Variants in CCSER1 observed in about 807,000 individuals in gnomAD.
CCSER1 encodes coiled-coil serine rich protein 1.
A neutral mutation model predicts 82.0 loss-of-function variants in CCSER1; 41 were observed. The ratio of observed to expected loss-of-function variants is 0.50; its 90% CI spans 0.39 to 0.65. The LOEUF (loss-of-function observed/expected upper bound fraction) is 0.65. CCSER1 is among the 30% of genes least tolerant of loss of function. CCSER1 has a pLI of 0.00. For synonymous variants in CCSER1, 414 were observed against 383.9 expected (o/e 1.08, Z -0.92); for missense variants, 1,119 against 1,064.2 (o/e 1.05, Z -0.72).
intron 10 of CCSER1, among the ~76,000 whole-genome samples, chr4:91,231,135 A>C (rs140864759): frequency 0.016 from 2,461 of 152,040 alleles, 30 homozygotes; most frequent in Non-Finnish European, 0.023. Flanking sequence ...ATTCATAAAT[A>C]TATACGCACG....
At chr4:91,464,616 A>C (rs1026256134) in intron 10 of CCSER1, among the ~76,000 whole-genome samples, 1 of 152,182 alleles carries the variant, frequency 6.6e-6, no homozygotes, top group African/African-American at 2.4e-5. Context: ...TCCATCTCAC[A>C]TGCAGAGACA....
intron 10 of CCSER1, among the ~76,000 whole-genome samples, chr4:91,192,591 G>A (rs958317474): frequency 1.3e-5 from 2 of 151,942 alleles, no homozygotes; most frequent in African/African-American, 4.8e-5. Flanking sequence ...ACTTGTTTCT[G>A]TCTCTGAAAT....
At position 90,628,109 on chromosome 4, in the gene CCSER1, G is replaced by A. The variant is rs369689377; in HGVS notation, c.1809G>A (p.Ala603=). 4.3e-5 allele frequency: 70 copies of A among 1,613,468 alleles called. No individual in the cohort carries two copies. The highest frequency in any genetic ancestry group is 3.9e-4 in the African/African-American group (29 of 74,830). The change falls in exon 6 of 11, where the codon GCG becomes GCA. Residue 603 remains alanine, a synonymous_variant. Transcript: ENST00000509176. ...HISRMPNSPS[A]DWPLQGVEEN... is the part of the protein sequence containing the mutation. ...GCCGAATGCCCAACAGTCCATCTGC[G>A]GATTGGCCTCTACAAGGTGTGGAAG...
chr4:90,838,977 T>G, intron 8 of CCSER1: 1 of 1,613,224 alleles, frequency 6.2e-7, no homozygotes, highest in African/African-American at 1.3e-5. Flanking sequence ...TGCGTCTCTG[T>G]CTTCTTCAGT....
intron 10 of CCSER1, among the ~76,000 whole-genome samples, chr4:91,546,972 C>CTTTTTTTTTTTT (rs70937013): frequency 7.5e-6 from 1 of 133,460 alleles, no homozygotes. Context: ...CTTGAGTTTT[C>CTTTTTTTTTTTT]TTTTTTTTTT....
intron 3 of CCSER1, among the ~76,000 whole-genome samples, chr4:90,384,930 T>C (rs1255149349): frequency 1.3e-5 from 2 of 152,174 alleles, no homozygotes; most frequent in African/African-American, 2.4e-5. Context: ...TACCACTCTG[T>C]ATGGCCCTAC....
At chr4:91,365,767 A>T (rs75171517) in intron 10 of CCSER1, among the ~76,000 whole-genome samples, 34,842 of 152,020 alleles carry the variant, frequency 0.23, 4,639 homozygotes, top group Middle Eastern at 0.42. Flanking sequence ...GGTCAGAGGG[A>T]GATCTGCATG....
chr4:90,413,413 C>G (rs531892120), intron 4 of CCSER1, among the ~76,000 whole-genome samples: 1 of 152,176 alleles, frequency 6.6e-6, no homozygotes, highest in Admixed American at 6.5e-5. Context: ...CCCTTCAAAA[C>G]ACTACCATTA....
chr4:91,056,090 G>T (rs1743419859), intron 9 of CCSER1, among the ~76,000 whole-genome samples: 1 of 151,886 alleles, frequency 6.6e-6, no homozygotes, highest in Non-Finnish European at 1.5e-5. Flanking sequence ...TTCACATGTA[G>T]TTTTCCTGAA....
intron 10 of CCSER1, among the ~76,000 whole-genome samples, chr4:91,458,214 T>C (rs1258727406): frequency 3.3e-5 from 5 of 152,150 alleles, no homozygotes; most frequent in East Asian, 1.9e-4. Flanking sequence ...CTTCTGCATA[T>C]GGATGTCTAA....
intron 10 of CCSER1, among the ~76,000 whole-genome samples, chr4:91,353,583 C>G (rs564274959): frequency 1.3e-5 from 2 of 152,272 alleles, no homozygotes; most frequent in South Asian, 4.1e-4. Flanking sequence ...ATGAGAGGGT[C>G]TCTCTCTTTC....
At chr4:91,437,147 A>G (rs2149400059) in intron 10 of CCSER1, among the ~76,000 whole-genome samples, 1 of 152,354 alleles carries the variant, frequency 6.6e-6, no homozygotes, top group East Asian at 1.9e-4. Flanking sequence ...GAGAAAGGAA[A>G]ATATGAGAAA....
intron 5 of CCSER1, among the ~76,000 whole-genome samples, chr4:90,608,134 G>T (rs752043276): frequency 1.3e-5 from 2 of 152,130 alleles, no homozygotes; most frequent in East Asian, 1.9e-4. Flanking sequence ...TTAATTCAAA[G>T]AAATTTAAGG....
chr4:90,904,530 C>A (rs182536419), intron 8 of CCSER1, among the ~76,000 whole-genome samples: 16 of 152,108 alleles, frequency 1.1e-4, no homozygotes, highest in Non-Finnish European at 1.8e-4. Flanking sequence ...GAAAGAGGAT[C>A]TGTTCCCTAA....
In CCSER1 at chr4:90,616,732, C is replaced by A. The variant is rs924205795; in HGVS notation, c.1725-11293C>A. On this transcript the variant is annotated intron_variant, in intron 5 of 10. Coordinates refer to ENST00000509176, the MANE Select transcript of CCSER1 (RefSeq NM_001145065.2). ...ACACACACACACACACACACACACA[C>A]ACACACAAATAAAATAAAATAAAAG... 7.0e-3 allele frequency among the ~76,000 whole-genome samples: 534 copies of A among 75,858 alleles called. 4 individuals carry two copies. Among genetic ancestry groups the A allele is most frequent in the African/African-American group, 0.028 (511 of 18,508 alleles). 49.8% of individuals were successfully genotyped at this position (75,858 alleles called of 152,430 possible).
chr4:91,366,306 C>A (rs1749613134), intron 10 of CCSER1, among the ~76,000 whole-genome samples: 1 of 152,194 alleles, frequency 6.6e-6, no homozygotes, highest in African/African-American at 2.4e-5. Context: ...CAGGCGTGAG[C>A]CACTGTGCCT....
chr4:91,097,596 T>C (rs1724634065), intron 10 of CCSER1, among the ~76,000 whole-genome samples: 1 of 152,208 alleles, frequency 6.6e-6, no homozygotes, highest in South Asian at 2.1e-4. Context: ...GAAAGAGAAT[T>C]AACACTTTAG....
chr4:91,073,738 G>T (rs1334432342), intron 9 of CCSER1, among the ~76,000 whole-genome samples: 1 of 151,958 alleles, frequency 6.6e-6, no homozygotes, highest in Non-Finnish European at 1.5e-5. Flanking sequence ...TTAACTTCTT[G>T]AGTAGTTTAA....
chr4:90,309,214 T>TA lies in CCSER1; in HGVS notation c.931dup (p.Thr311AsnfsTer15). On this transcript the variant is annotated frameshift_variant, in exon 2 of 11. Coordinates refer to ENST00000509176, the MANE Select transcript of CCSER1 (RefSeq NM_001145065.2). LOFTEE classifies it high-confidence loss of function. ...CTGTTACAAAGACAACAACAGAACTTACGGGAACTGTTCCCTGTGCAATTA... is the reference window on the plus strand; with the variant it reads ...CTGTTACAAAGACAACAACAGAACTTAACGGGAACTGTTCCCTGTGCAATTA... The TA allele has an allele frequency of 1.2e-6, 2 of 1,613,942 alleles. No homozygotes were observed. The highest frequency in any genetic ancestry group is 1.7e-6 in the Non-Finnish European group (2 of 1,179,830).
Sources: allele counts gnomAD v4.1 joint callset (sites outside exome capture counted in the v4.1 genomes callset), GRCh38; gene constraint gnomAD v4.1.1; transcripts MANE v1.5; gene names NCBI Gene and HGNC (gene_info 2026-07-23, HGNC 2026-07-21).